Variants in HIP1 observed in about 807,000 individuals in gnomAD.
HIP1 encodes the protein huntingtin-interacting protein 1.
In HIP1, 65 loss-of-function variants were observed where a neutral mutation model predicts 147.6. That is an observed-to-expected ratio of 0.44 (90% confidence interval 0.36 to 0.54). The LOEUF (loss-of-function observed/expected upper bound fraction) is 0.54, where lower values mean the gene tolerates loss of function less well. HIP1 is among the 20% of genes least tolerant of loss of function. HIP1 has a pLI of 0.00. For synonymous variants in HIP1, 479 were observed against 504.0 expected (o/e 0.95, Z 0.67); for missense variants, 1,061 against 1,299.6 (o/e 0.82, Z 2.82).
chr7:75,617,502 C>A (rs1300579935), intron 1 of HIP1, among the ~76,000 whole-genome samples: 2 of 152,206 alleles, frequency 1.3e-5, no homozygotes, highest in Non-Finnish European at 2.9e-5. Flanking sequence ...CAGGCGTGAC[C>A]CACCGCGCCC....
At position 75,561,279 on chromosome 7, in the gene HIP1, A is replaced by C. The variant is rs781994618; in HGVS notation, c.1191+50T>G. ...AGTGTGATGCAAATTTAACATTCAA[A>C]TCTACCGTGTTTTGGTGAAGCGCAA... On this transcript the variant is annotated intron_variant, in intron 13 of 30. Coordinates refer to ENST00000336926, the MANE Select transcript of HIP1 (RefSeq NM_005338.7). 4 of 1,266,400 alleles carry C rather than the reference A, an allele frequency of 3.2e-6. No homozygotes were observed. In the South Asian group the frequency reaches 3.6e-5, roughly 11 times the overall value. 78.4% of individuals were successfully genotyped at this position (1,266,400 alleles called of 1,614,324 possible).
intron 1 of HIP1, among the ~76,000 whole-genome samples, chr7:75,712,231 A>T (rs191316949): frequency 1.7e-4 from 26 of 152,280 alleles, no homozygotes; most frequent in Admixed American, 1.0e-3. Context: ...ACATAACATC[A>T]TCAACATAGC....
intron 1 of HIP1, among the ~76,000 whole-genome samples, chr7:75,715,210 C>G (rs1455238035): frequency 6.7e-6 from 1 of 149,050 alleles, no homozygotes; most frequent in East Asian, 2.1e-4. Context: ...GGCAACACAG[C>G]GAGACCCTAT....
At chr7:75,589,794 G>A (rs902377334) in intron 4 of HIP1, among the ~76,000 whole-genome samples, 2 of 149,574 alleles carry the variant, frequency 1.3e-5, no homozygotes, top group East Asian at 2.0e-4. Flanking sequence ...GCAGTGGTGC[G>A]ATCTCGGCTC....
At chr7:75,686,046 C>CCA (rs1474692099) in intron 1 of HIP1, among the ~76,000 whole-genome samples, 2 of 152,160 alleles carry the variant, frequency 1.3e-5, no homozygotes, top group Admixed American at 1.3e-4. Context: ...CGGGTGTGTG[C>CCA]CACCACACCT....
chr7:75,595,257 TTCCTTC>T (rs1563230449), intron 2 of HIP1, among the ~76,000 whole-genome samples: 30 of 119,680 alleles, frequency 2.5e-4, no homozygotes, highest in East Asian at 8.7e-4. Flanking sequence ...TCTTTCTTCC[TTCCTTC>T]CTTCCTTCCT....
rs868985834 is a variant in HIP1 at position 75,664,030 on chromosome 7, A to G, written c.121-64783T>C. On this transcript the variant is annotated intron_variant, in intron 1 of 30. Transcript: ENST00000336926. ...TGTATATATATACACATATATGTGTATATATATACACATATATGTGTATAT... is the reference window on the plus strand; with the variant it reads ...TGTATATATATACACATATATGTGTGTATATATACACATATATGTGTATAT... 1.0e-2 allele frequency among the ~76,000 whole-genome samples: 87 copies of G among 8,720 alleles called. 9 individuals carry two copies. Among genetic ancestry groups the G allele is most frequent in the African/African-American group, 0.09 (80 of 884 alleles). 5.7% of individuals were successfully genotyped at this position (8,720 alleles called of 152,430 possible). A position where few individuals can be genotyped will look rare whatever the true frequency, so the allele number is the denominator to read the frequency against.
chr7:75,570,337 G>A (rs2116875349), intron 8 of HIP1, among the ~76,000 whole-genome samples: 1 of 150,800 alleles, frequency 6.6e-6, no homozygotes, highest in African/African-American at 2.4e-5. Context: ...TGTCACCCAG[G>A]CTGGAGTGCA....
intron 1 of HIP1, among the ~76,000 whole-genome samples, chr7:75,604,399 T>C (rs1797137027): frequency 6.6e-6 from 1 of 152,052 alleles, no homozygotes; most frequent in South Asian, 2.1e-4. Flanking sequence ...TGGGGCTGGA[T>C]GTGGTGGCTC....
chr7:75,692,087 G>T (rs1249553549), intron 1 of HIP1, among the ~76,000 whole-genome samples: 1 of 152,010 alleles, frequency 6.6e-6, no homozygotes, highest in African/African-American at 2.4e-5. Flanking sequence ...CCAACCAACT[G>T]CTAGGCACAG....
chr7:75,579,158 C>T (rs587772631), intron 7 of HIP1, among the ~76,000 whole-genome samples: 13 of 152,148 alleles, frequency 8.5e-5, no homozygotes, highest in African/African-American at 2.9e-4. Flanking sequence ...TACACCACTG[C>T]TTTCAGTCTG....
chr7:75,738,854 C>A lies in HIP1; in HGVS notation c.67G>T (p.Gly23Trp), dbSNP rs1554523977. The A allele has an allele frequency of 1.3e-6, 2 of 1,588,088 alleles. No individual in the cohort carries two copies. Among genetic ancestry groups the A allele is most frequent in the Non-Finnish European group, 1.7e-6 (2 of 1,169,192 alleles). Residue 23 changes from glycine to tryptophan, a missense_variant, in exon 1 of 31, where the codon GGG becomes TGG. Transcript: ENST00000336926. ...GCCGCCTCCAGCCCAGCGCCGACCC[C>A]GCGCCGGCTCAGCACCTTGGGCAGT... ...NPLPKVLSRR[G>W]VGAGLEAAER...
Position 75,715,707 on chromosome 7 carries a change from G to A in HIP1, c.120+23094C>T, listed in dbSNP as rs1439134346. Among the ~76,000 whole-genome samples, 4 of 148,092 alleles carry A rather than the reference G, an allele frequency of 2.7e-5. No individual in the cohort carries two copies. The East Asian group carries it at 8.2e-4, about 30-fold the overall frequency. On this transcript the variant is annotated intron_variant, in intron 1 of 30. Transcript: ENST00000336926. Reference sequence around the variant, plus strand: ...GGAGAATCACTTGAATCCAGGAGGTGGAGGTTGCAGTGAGCTGTCATCATG... The same window carrying A: ...GGAGAATCACTTGAATCCAGGAGGTAGAGGTTGCAGTGAGCTGTCATCATG...
chr7:75,572,864 C>T (rs1554496930), intron 8 of HIP1, among the ~76,000 whole-genome samples: 2 of 152,184 alleles, frequency 1.3e-5, no homozygotes, highest in African/African-American at 2.4e-5. Context: ...GCTGCAGACT[C>T]AGGCATCCCT....
chr7:75,698,201 A>G (rs1304991833), intron 1 of HIP1, among the ~76,000 whole-genome samples: 2 of 152,066 alleles, frequency 1.3e-5, no homozygotes, highest in African/African-American at 2.4e-5. Context: ...TTTTCTATTC[A>G]TTACTATTAA....
intron 1 of HIP1, among the ~76,000 whole-genome samples, chr7:75,724,077 C>G (rs557876228): frequency 6.6e-6 from 1 of 152,168 alleles, no homozygotes; most frequent in Admixed American, 6.6e-5. Context: ...TCACCTCAGC[C>G]TCCTGAGTAG....
At chr7:75,631,601 C>A (rs1239927514) in intron 1 of HIP1, among the ~76,000 whole-genome samples, 2 of 152,110 alleles carry the variant, frequency 1.3e-5, no homozygotes, top group African/African-American at 2.4e-5. Flanking sequence ...CCCACAGGAA[C>A]CTCCTCCAAA....
At chr7:75,577,332 C>CAAAAAAAAAA (rs61299057) in intron 7 of HIP1, among the ~76,000 whole-genome samples, 26 of 96,904 alleles carry the variant, frequency 2.7e-4, no homozygotes, top group Non-Finnish European at 4.2e-4. Flanking sequence ...ATCCCATCTC[C>CAAAAAAAAAA]AAAAAAAAAA....
chr7:75,713,840 A>G (rs1461499367), intron 1 of HIP1, among the ~76,000 whole-genome samples: 2 of 151,176 alleles, frequency 1.3e-5, no homozygotes, highest in Non-Finnish European at 2.9e-5. Context: ...AGCTGGGACT[A>G]CAGGCGTGCA....
Sources: allele counts gnomAD v4.1 joint callset (sites outside exome capture counted in the v4.1 genomes callset), GRCh38; gene constraint gnomAD v4.1.1; transcripts MANE v1.5; gene names NCBI Gene and HGNC (gene_info 2026-07-23, HGNC 2026-07-21).